PREX2: variants seen among roughly 807,000 people sequenced by gnomAD.
PREX2 encodes phosphatidylinositol 3,4,5-trisphosphate-dependent Rac exchanger 2 protein.
A neutral mutation model predicts 203.2 loss-of-function variants in PREX2; 107 were observed. That is an observed-to-expected ratio of 0.53 (90% CI 0.45 to 0.62). The LOEUF is 0.62. Ranked by LOEUF, PREX2 falls within the 20% of genes least tolerant of loss-of-function variation. The pLI, the probability that PREX2 is intolerant of heterozygous loss-of-function variation, is 0.00. For synonymous variants in PREX2, 672 were observed against 663.6 expected (o/e 1.01, Z -0.19); for missense variants, 1,777 against 1,955.9 (o/e 0.91, Z 1.72).
At chr8:68,024,141 A>G (rs1428893253) in intron 4 of PREX2, among the ~76,000 whole-genome samples, 3 of 151,960 alleles carry the variant, frequency 2.0e-5, no homozygotes. Flanking sequence ...GTAACTTATT[A>G]TATTTCTAGT....
At chr8:67,990,835 C>A (rs1806579622) in intron 1 of PREX2, among the ~76,000 whole-genome samples, 1 of 152,094 alleles carries the variant, frequency 6.6e-6, no homozygotes, top group South Asian at 2.1e-4. Flanking sequence ...GATGTGCCGC[C>A]AGGGATAAGA....
intron 31 of PREX2, among the ~76,000 whole-genome samples, chr8:68,127,967 A>G (rs748126596): frequency 6.6e-6 from 1 of 152,222 alleles, no homozygotes; most frequent in Non-Finnish European, 1.5e-5. Flanking sequence ...AAATGCCTAA[A>G]ATAGTGGCTG....
At chr8:68,161,453 C>T (rs565230466) in intron 35 of PREX2, among the ~76,000 whole-genome samples, 28 of 152,168 alleles carry the variant, frequency 1.8e-4, no homozygotes, top group Admixed American at 5.9e-4. Flanking sequence ...TCTAATAGCA[C>T]GCCCCAGATC....
chr8:68,122,921 T>G (rs144996393), intron 30 of PREX2, among the ~76,000 whole-genome samples: 28 of 152,194 alleles, frequency 1.8e-4, no homozygotes, highest in African/African-American at 6.7e-4. Flanking sequence ...GTTTTATGTC[T>G]GATTATGTCA....
At chr8:68,067,685 T>G (rs1809060821) in intron 11 of PREX2, among the ~76,000 whole-genome samples, 1 of 152,106 alleles carries the variant, frequency 6.6e-6, no homozygotes, top group East Asian at 1.9e-4. Context: ...ACAATTTTAC[T>G]TCTTTCCAAT....
Position 68,108,196 on chromosome 8 carries a change from C to T in PREX2, c.2803C>T (p.Pro935Ser), listed in dbSNP as rs1432442663. 1 of 1,613,904 alleles carries T rather than the reference C, an allele frequency of 6.2e-7. No homozygotes were observed. The highest frequency in any genetic ancestry group is 1.1e-5 in the South Asian group (1 of 91,068). ...ISPLHSSDFC[P>S]TNCHVNVMEV... ...CCCACTGCACAGCAGTGATTTCTGC[C>T]CTACCAACTGCCATGTCAATGTGAT... The change falls in exon 24 of 40, where the codon CCT (proline) becomes TCT (serine). Residue 935 changes from proline to serine, a missense_variant. Physicochemically the swap from Pro to Ser is moderately conservative, Grantham distance 74. Transcript: ENST00000288368.
intron 39 of PREX2, among the ~76,000 whole-genome samples, chr8:68,230,461 G>T (rs1233694955): frequency 1.3e-5 from 2 of 152,186 alleles, no homozygotes; most frequent in African/African-American, 4.8e-5. Context: ...CAGCATTTTA[G>T]TTCAGCCAAT....
Position 68,069,748 on chromosome 8 carries a change from C to T in PREX2, c.1444-87C>T. ...TTTTGTGATGATTCTAAAATATTGA[C>T]AGTGAATTAATTTGTTACTTCAAAA... is the stretch of plus-strand genomic sequence containing the variant. On this transcript the variant is annotated intron_variant, in intron 12 of 39. Transcript: ENST00000288368. The T allele has an allele frequency of 4.9e-6, 3 of 618,284 alleles. 1 individual carries two copies. In the South Asian group the frequency reaches 7.3e-5, roughly 15 times the overall value. The allele number at this position is 618,284 out of a possible 1,614,324, so 38.3% of individuals were successfully genotyped here. A position where few individuals can be genotyped will look rare whatever the true frequency, so the allele number is the denominator to read the frequency against.
intron 1 of PREX2, among the ~76,000 whole-genome samples, chr8:67,990,179 T>C (rs1464951827): frequency 6.6e-6 from 1 of 152,060 alleles, no homozygotes; most frequent in Non-Finnish European, 1.5e-5. Context: ...AGAAATGGGG[T>C]TTCACCATGT....
chr8:68,064,471 C>T (rs1301575824), intron 11 of PREX2, among the ~76,000 whole-genome samples: 2 of 151,948 alleles, frequency 1.3e-5, no homozygotes, highest in Non-Finnish European at 2.9e-5. Flanking sequence ...TGGGCTCAAG[C>T]GATCCTCCTA....
chr8:68,024,561 T>C (rs1474311141), intron 4 of PREX2, among the ~76,000 whole-genome samples: 1 of 152,014 alleles, frequency 6.6e-6, no homozygotes, highest in African/African-American at 2.4e-5. Context: ...AAAATGTCTC[T>C]AGAAGATGGC....
At chr8:68,046,555 C>T (rs1419756166) in intron 8 of PREX2, among the ~76,000 whole-genome samples, 2 of 152,080 alleles carry the variant, frequency 1.3e-5, no homozygotes, top group African/African-American at 4.8e-5. Context: ...AAGGCAGGGC[C>T]TAAGACCTTG....
chr8:67,993,472 T>TACA (rs1806671290), intron 1 of PREX2, among the ~76,000 whole-genome samples: 1 of 150,262 alleles, frequency 6.7e-6, no homozygotes, highest in African/African-American at 2.5e-5. Flanking sequence ...AGTGGTGTGG[T>TACA]GTCAGCTCAC....
chr8:68,087,780 G>A lies in PREX2; in HGVS notation c.2084G>A (p.Gly695Asp), dbSNP rs748051396. 34 of 1,613,674 alleles carry A rather than the reference G, an allele frequency of 2.1e-5. No individual in the cohort carries two copies. The highest frequency in any genetic ancestry group is 1.8e-4 in the South Asian group (16 of 91,080). ...DGLGFQIRGF[G>D]PSVVHAVGRG... ...CTTGGCTTCCAGATCCGGGGATTTG[G>A]CCCTTCTGTTGTGCATGCTGTAGGA... The change falls in exon 19 of 40, where the codon GGC becomes GAC. Residue 695 changes from glycine to aspartate, a missense_variant. Coordinates refer to ENST00000288368, the MANE Select transcript of PREX2 (RefSeq NM_024870.4).
At chr8:68,179,423 T>A (rs1331741870) in intron 35 of PREX2, among the ~76,000 whole-genome samples, 1 of 152,054 alleles carries the variant, frequency 6.6e-6, no homozygotes, top group Non-Finnish European at 1.5e-5. Flanking sequence ...AATTGGAAAT[T>A]GAGCTGAGAG....
intron 22 of PREX2, among the ~76,000 whole-genome samples, 200 bp from the exon 23 acceptor site, chr8:68,099,481 CA>C (rs1810194876): frequency 6.6e-6 from 1 of 152,178 alleles, no homozygotes; most frequent in African/African-American, 2.4e-5. Context: ...ACTTCACTGA[CA>C]GCGCCTCCTG....
At chr8:68,226,543 C>T (rs1813060188) in intron 39 of PREX2, among the ~76,000 whole-genome samples, 1 of 152,184 alleles carries the variant, frequency 6.6e-6, no homozygotes, top group African/African-American at 2.4e-5. Flanking sequence ...TTTGCTATCT[C>T]TGTCTGAGAT....
intron 34 of PREX2, among the ~76,000 whole-genome samples, chr8:68,146,764 C>T (rs977427164): frequency 2.6e-5 from 4 of 152,124 alleles, no homozygotes; most frequent in African/African-American, 9.7e-5. Flanking sequence ...TCTATACCTA[C>T]ATATATGTAT....
intron 21 of PREX2, among the ~76,000 whole-genome samples, chr8:68,095,923 T>G (rs1366187843): frequency 6.6e-6 from 1 of 152,080 alleles, no homozygotes; most frequent in Non-Finnish European, 1.5e-5. Flanking sequence ...ATTACAGGCA[T>G]GAGTCATGGC....
Sources: gnomAD v4.1 joint callset for allele counts (sites outside exome capture counted in the v4.1 genomes callset) on GRCh38, gnomAD v4.1.1 for gene constraint, MANE v1.5 for transcripts, NCBI Gene and HGNC (gene_info 2026-07-23, HGNC 2026-07-21) for gene names.